C4orf50: variants seen among roughly 807,000 people sequenced by gnomAD.
C4orf50 encodes the protein uncharacterized protein C4orf50.
A neutral mutation model predicts 77.2 loss-of-function variants in C4orf50; 80 were observed. That is an observed-to-expected ratio of 1.04 (90% CI 0.87 to 1.25). The LOEUF (loss-of-function observed/expected upper bound fraction) is 1.25. Among genes scored for constraint, C4orf50 ranks in the 50% most tolerant of loss-of-function variants. The pLI, the probability that C4orf50 is intolerant of heterozygous loss-of-function variation, is 0.00. For missense variants in C4orf50, 1,257 were observed against 1,152.9 expected (o/e 1.09, Z -1.31); for synonymous variants, 532 against 465.3 (o/e 1.14, Z -1.84).
downstream of C4orf50, among the ~76,000 whole-genome samples, chr4:5,952,458 G>A (rs1251475061): frequency 1.3e-5 from 2 of 152,204 alleles, no homozygotes; most frequent in African/African-American, 4.8e-5. The surrounding 1 kb of genome is among the most constrained non-coding windows in gnomAD (Gnocchi z 4.4). Flanking sequence ...CGAAGCGCAT[G>A]AGCACTGACT....
chr4:5,970,784 A>G lies in C4orf50; in HGVS notation c.4104+2875T>C, dbSNP rs6833546. Among the ~76,000 whole-genome samples, 113,330 of 152,156 alleles carry G rather than the reference A, an allele frequency of 0.74. 43,121 individuals carry two copies. The highest frequency in any genetic ancestry group is 0.91 in the East Asian group (4,697 of 5,136). On this transcript the variant is annotated intron_variant, in intron 31 of 33. Coordinates refer to ENST00000531445, the Ensembl canonical transcript of C4orf50. This position sits in a 1 kb window ranked among gnomAD's most constrained non-coding sequence, Gnocchi z 4.3. ...GGGTAGAGCTTAGTGGCCTCAGCCC[A>G]AGGCCCAGCCCCCACCCCCTCAACA...
At chr4:5,975,870 A>G in intron 30 of C4orf50, 29 bp downstream of exon 8, 1 of 1,530,340 alleles carries the variant, frequency 6.5e-7, no homozygotes, top group Non-Finnish European at 9.1e-7. Context: ...TGAAAGAGGC[A>G]TTTCATGTTG....
chr4:5,967,383 C>T (rs375248650), intron 32 of C4orf50, 31 bp downstream of exon 10: 46 of 1,595,520 alleles, frequency 2.9e-5, no homozygotes, highest in Non-Finnish European at 3.9e-5. Flanking sequence ...TCTGAGCACA[C>T]AGGCTTTTCC....
At position 5,901,356 on chromosome 4, in the gene C4orf50, G is replaced by A. The variant is rs1469624449; in HGVS notation, c.*2475-3168C>T. The stretch of plus-strand genomic sequence containing the variant: ...ATTATTGCGCACAGTAGGTGCCGAG[G>A]TGTGTATCTTATTATCTCCATTTGC... On this transcript the variant is annotated intron_variant, in intron 7 of 7. Transcript: ENST00000324058. This position sits in a 1 kb window ranked among gnomAD's most constrained non-coding sequence, Gnocchi z 4.4. 1.3e-5 allele frequency: 2 copies of A among 152,304 alleles called. No homozygotes were observed. Among genetic ancestry groups the A allele is most frequent in the Non-Finnish European group, 2.9e-5 (2 of 68,028 alleles). 9.4% of individuals were successfully genotyped at this position (152,304 alleles called of 1,614,324 possible). A position where few individuals can be genotyped will look rare whatever the true frequency, so the allele number is the denominator to read the frequency against.
exon 28 of C4orf50, chr4:5,989,326 T>C: frequency 6.5e-7 from 1 of 1,535,824 alleles, no homozygotes; most frequent in Non-Finnish European, 8.7e-7. Context: ...CTGTGGAGGG[T>C]TTGGGCTGGC....
chr4:5,980,099 C>A (rs1295714482), intron 29 of C4orf50, 75 bp downstream of exon 7: 8 of 1,319,820 alleles, frequency 6.1e-6, no homozygotes, highest in South Asian at 1.5e-5. Flanking sequence ...CTCAGCAAAT[C>A]TTTGTTCACT....
chr4:5,931,380 T>C (rs978636057), intron 7 of C4orf50, among the ~76,000 whole-genome samples: 5 of 152,192 alleles, frequency 3.3e-5, no homozygotes, highest in African/African-American at 1.2e-4. Context: ...CATCTTTGCA[T>C]TTGAACAGAG....
exon 28 of C4orf50, chr4:5,988,706 A>G: frequency 6.5e-7 from 1 of 1,536,028 alleles, no homozygotes; most frequent in Non-Finnish European, 8.7e-7. Context: ...CCCCTCACCA[A>G]ACGCCCCTGA....
chr4:5,959,580 G>T, exon 34 of C4orf50: 1 of 1,614,152 alleles, frequency 6.2e-7, no homozygotes. Context: ...AGTGACCGCT[G>T]CCAGGCACGT....
Position 6,008,252 on chromosome 4 carries a change from G to A in C4orf50, c.707C>T (p.Ala236Val), listed in dbSNP as rs931325046. 1.0e-5 allele frequency: 4 copies of A among 394,242 alleles called. No individual in the cohort carries two copies. The highest frequency in any genetic ancestry group is 3.6e-5 in the East Asian group (1 of 27,764). The allele number at this position is 394,242 out of a possible 1,614,324, so 24.4% of individuals were successfully genotyped here. A position where few individuals can be genotyped will look rare whatever the true frequency, so the allele number is the denominator to read the frequency against. ...CTGCAGGGCGCGCAGTTCCGCAGCC[G>A]CCTCGGTGGCGCCCTGGGAGCCTGG... Residue 236 changes from alanine (A) to valine (V), a missense_variant, in exon 25 of 34, where the codon GCG becomes GTG. Coordinates refer to ENST00000531445, the Ensembl canonical transcript of C4orf50. The surrounding 1 kb of genome is among the most constrained non-coding windows in gnomAD (Gnocchi z 6.0).
chr4:5,954,606 A>T (rs1214908749), downstream of C4orf50, among the ~76,000 whole-genome samples: 2 of 152,014 alleles, frequency 1.3e-5, no homozygotes, highest in East Asian at 3.9e-4. This position sits in a 1 kb window ranked among gnomAD's most constrained non-coding sequence, Gnocchi z 4.7. Flanking sequence ...GCGCATGGAG[A>T]GGGGAGGGCT....
At chr4:5,947,907 G>A (rs754356098) in intron 7 of C4orf50, among the ~76,000 whole-genome samples, 10 of 152,220 alleles carry the variant, frequency 6.6e-5, no homozygotes, top group Non-Finnish European at 1.0e-4. Flanking sequence ...GTCCCTGCCA[G>A]CCTCTGCACG....
chr4:5,981,402 CTTT>C (rs35263863), intron 28 of C4orf50, among the ~76,000 whole-genome samples: 16 of 124,060 alleles, frequency 1.3e-4, no homozygotes, highest in East Asian at 2.4e-4. Context: ...AAGTGAGTAT[CTTT>C]TTTTTTTTTT....
chr4:5,928,179 A>G (rs1211495043), intron 7 of C4orf50, among the ~76,000 whole-genome samples: 1 of 152,230 alleles, frequency 6.6e-6, no homozygotes, highest in Non-Finnish European at 1.5e-5. Context: ...TAAGGCAAAA[A>G]TAAAAATCTT....
intron 30 of C4orf50, among the ~76,000 whole-genome samples, chr4:5,974,289 G>A (rs994637467): frequency 2.0e-5 from 3 of 152,164 alleles, no homozygotes; most frequent in African/African-American, 7.2e-5. Flanking sequence ...AAGGGATTAT[G>A]GCCTCCATTT....
chr4:5,931,742 G>T (rs1717777123), intron 7 of C4orf50, among the ~76,000 whole-genome samples: 1 of 152,118 alleles, frequency 6.6e-6, no homozygotes. Context: ...GAAGGCTTCT[G>T]AGGAGCCTAA....
At chr4:5,971,943 C>G (rs976361821) in intron 31 of C4orf50, among the ~76,000 whole-genome samples, 1 of 152,020 alleles carries the variant, frequency 6.6e-6, no homozygotes, top group Admixed American at 6.5e-5. Flanking sequence ...AGCCAGCCGG[C>G]CTTCCAGGGT....
At chr4:5,989,749 G>C (rs4266238) in exon 28 of C4orf50, 9 of 1,533,166 alleles carry the variant, frequency 5.9e-6, no homozygotes, top group South Asian at 1.2e-5. Flanking sequence ...TGGCAAACCT[G>C]TCTCTCCTGC....
In C4orf50 at chr4:6,004,057, GTGATGA is replaced by G. The variant is rs1722034237; in HGVS notation, c.963+3933_963+3938del. On this transcript the variant is annotated intron_variant, in intron 25 of 33. Transcript: ENST00000531445. The stretch of plus-strand genomic sequence containing the variant: ...AGTGATGATGGTGATGGTGATGATG[GTGATGA>G]TGGTGATGGTGATGATGTGATAGTG... Among the ~76,000 whole-genome samples the G allele has an allele frequency of 4.4e-5, 5 of 114,234 alleles. No individual in the cohort carries two copies. The East Asian group carries it at 8.8e-4, about 20-fold the overall frequency. 74.9% of individuals were successfully genotyped at this position (114,234 alleles called of 152,430 possible). A position where few individuals can be genotyped will look rare whatever the true frequency, so the allele number is the denominator to read the frequency against.
Sources: allele counts gnomAD v4.1 joint callset (sites outside exome capture counted in the v4.1 genomes callset), GRCh38; gene constraint gnomAD v4.1.1; non-coding constraint Gnocchi (gnomAD v3.1); transcripts MANE v1.5; gene names NCBI Gene and HGNC (gene_info 2026-07-23, HGNC 2026-07-21).